Variants in ADAMTS12 observed in about 807,000 individuals in gnomAD.
ADAMTS12 encodes A disintegrin and metalloproteinase with thrombospondin motifs 12.
Under a neutral mutation model 167.8 loss-of-function variants are expected in ADAMTS12, and 118 were observed. The ratio of observed to expected loss-of-function variants is 0.70; its 90% CI spans 0.61 to 0.82. ADAMTS12 has a LOEUF of 0.82. Among genes scored for constraint, ADAMTS12 ranks in the 40% least tolerant of loss-of-function variants. ADAMTS12 has a pLI of 0.00. For missense variants in ADAMTS12, 1,916 were observed against 1,998.8 expected (o/e 0.96, Z 0.79); for synonymous variants, 704 against 716.9 (o/e 0.98, Z 0.29).
chr5:33,642,379 T>C (rs913454991), intron 10 of ADAMTS12, among the ~76,000 whole-genome samples: 2 of 152,204 alleles, frequency 1.3e-5, no homozygotes, highest in East Asian at 3.9e-4. Context: ...GTTCACAGAC[T>C]GGCACAGCGA....
chr5:33,578,915 T>C (rs1051910504), intron 18 of ADAMTS12, among the ~76,000 whole-genome samples: 4 of 152,194 alleles, frequency 2.6e-5, no homozygotes, highest in Admixed American at 6.5e-5. Context: ...CACTCCAAGA[T>C]GGAACTTCCA....
intron 2 of ADAMTS12, among the ~76,000 whole-genome samples, chr5:33,789,560 C>G (rs980556503): frequency 1.3e-5 from 2 of 152,164 alleles, no homozygotes; most frequent in Non-Finnish European, 2.9e-5. Flanking sequence ...AATAACCCTG[C>G]CCAAGGAGGA....
intron 18 of ADAMTS12, among the ~76,000 whole-genome samples, chr5:33,580,099 C>T (rs380548): frequency 0.21 from 32,369 of 152,196 alleles, 3,549 homozygotes; most frequent in Non-Finnish European, 0.24. Flanking sequence ...TTACCAATAA[C>T]AAGAACTAAG....
chr5:33,821,605 C>T (rs1448639643), intron 2 of ADAMTS12, among the ~76,000 whole-genome samples: 2 of 152,136 alleles, frequency 1.3e-5, no homozygotes, highest in East Asian at 1.9e-4. Flanking sequence ...CAGTACGTGA[C>T]TGAGGCATCT....
At chr5:33,844,562 G>A (rs767183222) in intron 2 of ADAMTS12, among the ~76,000 whole-genome samples, 9 of 152,064 alleles carry the variant, frequency 5.9e-5, no homozygotes, top group African/African-American at 1.2e-4. Flanking sequence ...TGGTCAGACC[G>A]GTTGCTCTCA....
intron 2 of ADAMTS12, 77 bp downstream of exon 2, chr5:33,881,042 A>G: frequency 1.2e-5 from 19 of 1,548,828 alleles, no homozygotes; most frequent in Non-Finnish European, 1.7e-5. Context: ...GCATCTGTGA[A>G]CCTGTTGGTA....
chr5:33,620,897 C>T (rs893280994), intron 14 of ADAMTS12, among the ~76,000 whole-genome samples: 1 of 152,110 alleles, frequency 6.6e-6, no homozygotes, highest in African/African-American at 2.4e-5. Context: ...TCATTTGGTT[C>T]GACCCCGTGT....
intron 3 of ADAMTS12, among the ~76,000 whole-genome samples, chr5:33,693,882 C>T (rs1331806794): frequency 6.6e-6 from 1 of 152,176 alleles, no homozygotes; most frequent in African/African-American, 2.4e-5. Context: ...CAAACTCTAT[C>T]TCTGTTTGCA....
At chr5:33,648,688 C>A in intron 9 of ADAMTS12, 134 bp downstream of exon 9, 3 of 1,133,252 alleles carry the variant, frequency 2.6e-6, no homozygotes, top group Non-Finnish European at 3.8e-6. Flanking sequence ...CCCTTACAGA[C>A]ACACCTTGCC....
At chr5:33,657,928 A>G (rs1741117814) in intron 7 of ADAMTS12, among the ~76,000 whole-genome samples, 1 of 152,164 alleles carries the variant, frequency 6.6e-6, no homozygotes, top group African/African-American at 2.4e-5. Flanking sequence ...TCTAATCCAG[A>G]GAACTGGAGT....
intron 3 of ADAMTS12, among the ~76,000 whole-genome samples, chr5:33,739,105 A>G (rs190322688): frequency 1.3e-5 from 2 of 152,310 alleles, no homozygotes; most frequent in African/African-American, 4.8e-5. Flanking sequence ...GGCTTTCAAC[A>G]TGCTGCATTT....
At chr5:33,835,690 C>CT (rs35671638) in intron 2 of ADAMTS12, among the ~76,000 whole-genome samples, 74,585 of 151,916 alleles carry the variant, frequency 0.49, 20,596 homozygotes, top group African/African-American at 0.74. Context: ...ATGGCCCTAC[C>CT]CCTAATACCA....
At chr5:33,837,548 C>A (rs1748580132) in intron 2 of ADAMTS12, among the ~76,000 whole-genome samples, 2 of 152,114 alleles carry the variant, frequency 1.3e-5, no homozygotes, top group South Asian at 4.1e-4. Context: ...GGAATCTGAC[C>A]CCACAGGGCA....
Position 33,662,059 on chromosome 5 carries a change from G to A in ADAMTS12, c.916-19C>T, listed in dbSNP as rs759747943. 24 of 1,604,706 alleles carry A rather than the reference G, an allele frequency of 1.5e-5. No homozygotes were observed. The highest frequency in any genetic ancestry group is 1.8e-5 in the Non-Finnish European group (21 of 1,179,038). On this transcript the variant is annotated intron_variant, in intron 5 of 23. Coordinates refer to ENST00000504830, the MANE Select transcript of ADAMTS12 (RefSeq NM_030955.4). ...GTCCTTGCTGGAGAAAGAAGAGGAA[G>A]AGATTAGCATGGGAGAGCTCACTGT...
At chr5:33,736,905 T>A (rs1410477287) in intron 3 of ADAMTS12, among the ~76,000 whole-genome samples, 1 of 152,216 alleles carries the variant, frequency 6.6e-6, no homozygotes, top group Non-Finnish European at 1.5e-5. Flanking sequence ...ACTGTCAGCA[T>A]CTTCCCCATG....
chr5:33,541,261 A>C (rs1744682370), intron 22 of ADAMTS12, among the ~76,000 whole-genome samples: 1 of 152,364 alleles, frequency 6.6e-6, no homozygotes, highest in East Asian at 1.9e-4. Context: ...TTAATGAAAT[A>C]AAGTGAGAAG....
At chr5:33,582,005 G>A (rs1479090464) in intron 18 of ADAMTS12, among the ~76,000 whole-genome samples, 1 of 152,136 alleles carries the variant, frequency 6.6e-6, no homozygotes, top group African/African-American at 2.4e-5. Flanking sequence ...GCTTTCAGAA[G>A]GAATTCACTT....
intron 2 of ADAMTS12, among the ~76,000 whole-genome samples, chr5:33,839,042 T>C (rs1283386277): frequency 2.0e-5 from 3 of 152,174 alleles, no homozygotes; most frequent in Admixed American, 2.0e-4. Context: ...AGTTCCCTCC[T>C]CTAAAACGTG....
chr5:33,536,587 TTAA>T (rs1421357486), intron 22 of ADAMTS12, among the ~76,000 whole-genome samples: 3 of 151,318 alleles, frequency 2.0e-5, no homozygotes, highest in Non-Finnish European at 4.4e-5. Context: ...GTAGTTTCAC[TTAA>T]TAATAGATCA....
Sources: allele counts gnomAD v4.1 joint callset (sites outside exome capture counted in the v4.1 genomes callset), GRCh38; gene constraint gnomAD v4.1.1; transcripts MANE v1.5; gene names NCBI Gene and HGNC (gene_info 2026-07-23, HGNC 2026-07-21).